Variants in ACTR3 observed in about 807,000 individuals in gnomAD.
The protein encoded by ACTR3 is actin-related protein 3.
In ACTR3, 12 loss-of-function variants were observed where a neutral mutation model predicts 56.8. That is an observed-to-expected ratio of 0.21 (90% CI 0.14 to 0.34). The LOEUF (loss-of-function observed/expected upper bound fraction) is 0.34. ACTR3 is among the 10% of genes least tolerant of loss of function. The pLI, the probability that ACTR3 is intolerant of heterozygous loss-of-function variation, is 1.00. For synonymous variants in ACTR3, 162 were observed against 167.4 expected (o/e 0.97, Z 0.25); for missense variants, 282 against 512.5 (o/e 0.55, Z 4.34).
intron 10 of ACTR3, chr2:113,954,956 C>A (rs1179188895): frequency 6.6e-6 from 1 of 152,120 alleles, no homozygotes; most frequent in Non-Finnish European, 1.5e-5. Flanking sequence ...TTACAGACGT[C>A]TCCAGTTATA....
At chr2:113,923,773 A>G (rs1382272016) in intron 3 of ACTR3, among the ~76,000 whole-genome samples, 1 of 147,890 alleles carries the variant, frequency 6.8e-6, no homozygotes, top group African/African-American at 2.5e-5. Flanking sequence ...GGGTGACTCA[A>G]TGTTTTATTC....
At chr2:113,890,659 G>A in intron 1 of ACTR3, 1 of 1,205,342 alleles carries the variant, frequency 8.3e-7, no homozygotes. Context: ...GTGGTCCCCG[G>A]GCCCGACCCA....
At position 113,957,233 on chromosome 2, in the gene ACTR3, A is replaced by G; in HGVS notation, c.1162-127A>G. 2 of 599,734 alleles carry G rather than the reference A, an allele frequency of 3.3e-6. 1 individual carries two copies. Among genetic ancestry groups the G allele is most frequent in the South Asian group, 5.2e-5 (2 of 38,192 alleles). The allele number at this position is 599,734 out of a possible 1,614,324, so 37.2% of individuals were successfully genotyped here. On this transcript the variant is annotated intron_variant, in intron 11 of 11. Coordinates refer to ENST00000263238, the MANE Select transcript of ACTR3 (RefSeq NM_005721.5). The stretch of plus-strand genomic sequence containing the variant: ...GAATTTCTAAGCTTTCATGCCATGA[A>G]TGGACTAATAATAAACATTTTAGAC...
chr2:113,902,847 C>T (rs1679127139), intron 1 of ACTR3, among the ~76,000 whole-genome samples: 1 of 152,192 alleles, frequency 6.6e-6, no homozygotes, highest in South Asian at 2.1e-4. Context: ...TGATCGCCCG[C>T]CTGGGCCTCC....
chr2:113,935,373 C>A (rs1188963967), intron 6 of ACTR3, among the ~76,000 whole-genome samples: 1 of 152,216 alleles, frequency 6.6e-6, no homozygotes, highest in African/African-American at 2.4e-5. Flanking sequence ...CCCCTTGATT[C>A]CTTCAGCCCC....
rs772073333 is a variant in ACTR3, at chr2:113,913,195, G to T, written c.68G>T (p.Gly23Val). 6.3e-7 allele frequency: 1 copy of T among 1,593,718 alleles called. No individual in the cohort carries two copies. The highest frequency in any genetic ancestry group is 1.1e-5 in the South Asian group (1 of 87,272). The change falls in exon 2 of 12, where the codon GGA (glycine) becomes GTA (valine). Residue 23 changes from glycine to valine, a missense_variant. Transcript: ENST00000263238. ...AGGTATACAAAACTAGGATATGCTG[G>T]AAATACAGAACCACAGTTTATCATC... ...GTGYTKLGYAGNTEPQFIIPS... is the reference protein window; with the variant it reads ...GTGYTKLGYAVNTEPQFIIPS...
chr2:113,915,437 C>T (rs527888009), intron 2 of ACTR3, among the ~76,000 whole-genome samples: 5 of 152,314 alleles, frequency 3.3e-5, no homozygotes, highest in Admixed American at 2.6e-4. Context: ...TTGATAACTT[C>T]GTTTTAACTG....
intron 1 of ACTR3, among the ~76,000 whole-genome samples, chr2:113,911,419 CTTT>C (rs34495665): frequency 8.5e-6 from 1 of 117,840 alleles, no homozygotes; most frequent in African/African-American, 3.4e-5. Flanking sequence ...ATTTGGCACA[CTTT>C]TTTTTTTTTT....
chr2:113,910,871 G>T (rs1025522174), intron 1 of ACTR3, among the ~76,000 whole-genome samples: 1 of 152,182 alleles, frequency 6.6e-6, no homozygotes, highest in South Asian at 2.1e-4. Flanking sequence ...CTTGAATTGT[G>T]GTGGTGACAA....
In ACTR3 at chr2:113,955,544, A is replaced by G. The variant is rs557110266; in HGVS notation, c.1078-79A>G. The G allele has an allele frequency of 4.0e-6, 4 of 1,000,708 alleles. No homozygotes were observed. The African/African-American group carries it at 6.6e-5, about 16-fold the overall frequency. The allele number at this position is 1,000,708 out of a possible 1,614,324, so 62.0% of individuals were successfully genotyped here. A position where few individuals can be genotyped will look rare whatever the true frequency, so the allele number is the denominator to read the frequency against. On this transcript the variant is annotated intron_variant, in intron 10 of 11. Coordinates refer to ENST00000263238, the MANE Select transcript of ACTR3 (RefSeq NM_005721.5). ...TTTAGTACAGATATTATTTTTGTAT[A>G]TGTACATTTAAGGTTAAATGACACA...
Position 113,936,776 on chromosome 2 carries a change from T to C in ACTR3, c.540+2390T>C, listed in dbSNP as rs1221818398. Among the ~76,000 whole-genome samples, 3 of 152,154 alleles carry C rather than the reference T, an allele frequency of 2.0e-5. No individual in the cohort carries two copies. In the East Asian group the frequency reaches 5.8e-4, roughly 29 times the overall value. On this transcript the variant is annotated intron_variant, in intron 6 of 11. Transcript: ENST00000263238. Reference sequence around the variant, plus strand: ...ACCAAAAATTGTGATATAACTACAATGTGAGGAGTGGGAAAGGATAGGTAT... The same window carrying C: ...ACCAAAAATTGTGATATAACTACAACGTGAGGAGTGGGAAAGGATAGGTAT...
intron 3 of ACTR3, among the ~76,000 whole-genome samples, chr2:113,918,038 T>C (rs1243102870): frequency 6.6e-6 from 1 of 152,046 alleles, no homozygotes; most frequent in Non-Finnish European, 1.5e-5. Flanking sequence ...GGCTTTACAG[T>C]ATGAGAGGGA....
intron 1 of ACTR3, among the ~76,000 whole-genome samples, chr2:113,897,532 T>A (rs1168645051): frequency 3.4e-5 from 5 of 146,220 alleles, no homozygotes; most frequent in Admixed American, 1.4e-4. Flanking sequence ...TTTTTTTTTT[T>A]TTTTTTTTTT....
intron 1 of ACTR3, among the ~76,000 whole-genome samples, chr2:113,908,116 C>A (rs1285888725): frequency 1.3e-5 from 2 of 151,340 alleles, no homozygotes; most frequent in Admixed American, 1.3e-4. Flanking sequence ...TCATTTGAAA[C>A]CTATTTGTAT....
At position 113,916,883 on chromosome 2, in the gene ACTR3, G is replaced by C; in HGVS notation, c.101-1G>C. On this transcript the variant is annotated splice_acceptor_variant, in intron 2 of 11. Coordinates refer to ENST00000263238, the MANE Select transcript of ACTR3 (RefSeq NM_005721.5). LOFTEE classifies it high-confidence loss of function. ...TTTGACATGTCTAACTTATTTTAAA[G>C]GTATTGCTATTAAGGAGTCAGCAAA... 6.3e-7 allele frequency: 1 copy of C among 1,595,942 alleles called. No individual in the cohort carries two copies. Among genetic ancestry groups the C allele is most frequent in the Non-Finnish European group, 8.5e-7 (1 of 1,171,346 alleles).
intron 1 of ACTR3, 163 bp downstream of exon 1, chr2:113,890,486 G>C: frequency 7.7e-7 from 1 of 1,305,968 alleles, no homozygotes; most frequent in Non-Finnish European, 1.0e-6. Flanking sequence ...CCAGGGCCTC[G>C]CGGGTCCCCT....
chr2:113,891,947 T>A (rs1678912325), intron 1 of ACTR3, among the ~76,000 whole-genome samples: 1 of 152,204 alleles, frequency 6.6e-6, no homozygotes. Flanking sequence ...CTAGGTTCAG[T>A]TTTAAAATTA....
rs143880517 is a variant in ACTR3, at chr2:113,911,805, C to T, written c.45-1367C>T. 7.4e-3 allele frequency among the ~76,000 whole-genome samples: 1,122 copies of T among 150,700 alleles called. 16 individuals are homozygous for T. The highest frequency in any genetic ancestry group is 0.026 in the African/African-American group (1,048 of 40,960). On this transcript the variant is annotated intron_variant, in intron 1 of 11. Transcript: ENST00000263238. ...AGGCTGGAGTGCAGTGGTGTGATCT[C>T]GGCTCACTGCAACCTCCGCCTCCTA...
chr2:113,913,789 C>T (rs1447276349), intron 2 of ACTR3, among the ~76,000 whole-genome samples: 1 of 152,138 alleles, frequency 6.6e-6, no homozygotes, highest in African/African-American at 2.4e-5. Context: ...GTTAATCTTG[C>T]TTAAGCTGAC....
Sources: allele counts gnomAD v4.1 joint callset (sites outside exome capture counted in the v4.1 genomes callset), GRCh38; gene constraint gnomAD v4.1.1; transcripts MANE v1.5; gene names NCBI Gene and HGNC (gene_info 2026-07-23, HGNC 2026-07-21).